Variants in PLA2G12A observed in about 807,000 individuals in gnomAD.
PLA2G12A encodes the protein group XIIA secretory phospholipase A2.
A neutral mutation model predicts 16.0 loss-of-function variants in PLA2G12A; 11 were observed. That is an observed-to-expected ratio of 0.69 (90% CI 0.43 to 1.13). PLA2G12A has a LOEUF of 1.13. PLA2G12A is among the 50% of genes most tolerant of loss of function. The pLI is 0.00. For missense variants in PLA2G12A, 214 were observed against 237.3 expected (o/e 0.90, Z 0.65); for synonymous variants, 77 against 93.8 (o/e 0.82, Z 1.03).
At chr4:109,717,507 T>G in intron 3 of PLA2G12A, 41 bp downstream of exon 3, 2 of 1,573,800 alleles carry the variant, frequency 1.3e-6, no homozygotes, top group Middle Eastern at 3.8e-4. Context: ...GATACAACTT[T>G]AAAAAGTACA....
At chr4:109,724,229 G>A (rs959561987) in intron 1 of PLA2G12A, among the ~76,000 whole-genome samples, 5 of 152,140 alleles carry the variant, frequency 3.3e-5, no homozygotes, top group Admixed American at 1.3e-4. Context: ...GGGTTCAAGC[G>A]ATTCTTCTGC....
Position 109,729,588 on chromosome 4 carries a change from G to C in PLA2G12A, c.208+14C>G. 1 of 1,601,752 alleles carries C rather than the reference G, an allele frequency of 6.2e-7. No homozygotes were observed. Among genetic ancestry groups the C allele is most frequent in the South Asian group, 1.1e-5 (1 of 90,592 alleles). On this transcript the variant is annotated intron_variant, in intron 1 of 3. Coordinates refer to ENST00000243501, the MANE Select transcript of PLA2G12A (RefSeq NM_030821.5). ...GAAAGCACGAGCCCTCGCTGGGCCC[G>C]GGTGCCCCCTCACCGTCACTGCATT...
chr4:109,725,536 G>A (rs1041516974), intron 1 of PLA2G12A, among the ~76,000 whole-genome samples: 5 of 152,078 alleles, frequency 3.3e-5, no homozygotes, highest in Admixed American at 6.5e-5. Flanking sequence ...GATGTGTTGC[G>A]GCCATTGTCC....
chr4:109,720,022 T>G (rs1730894932), intron 1 of PLA2G12A, among the ~76,000 whole-genome samples: 1 of 152,238 alleles, frequency 6.6e-6, no homozygotes, highest in African/African-American at 2.4e-5. Context: ...GCTCTTTGAA[T>G]GTTTCCCACA....
At chr4:109,719,355 C>T (rs1285102673) in intron 1 of PLA2G12A, among the ~76,000 whole-genome samples, 1 of 152,086 alleles carries the variant, frequency 6.6e-6, no homozygotes, top group African/African-American at 2.4e-5. Flanking sequence ...ACCGAGTCAA[C>T]CATTCCACAA....
chr4:109,714,103 A>C lies in PLA2G12A; in HGVS notation c.*274T>G. The stretch of plus-strand genomic sequence containing the variant: ...TTCCTCTTTTCAAAATTCTCCGCTA[A>C]ACAAGCACTTGTTTTTGATATTGGT... On this transcript the variant is annotated 3_prime_UTR_variant, in exon 4 of 4. Transcript: ENST00000243501. 4 of 335,136 alleles carry C rather than the reference A, an allele frequency of 1.2e-5. No individual in the cohort carries two copies. Among genetic ancestry groups the C allele is most frequent in the Middle Eastern group, 8.6e-4 (1 of 1,168 alleles). The allele number at this position is 335,136 out of a possible 1,614,324, so 20.8% of individuals were successfully genotyped here.
rs767085038 is a variant in PLA2G12A at position 109,711,938 on chromosome 4, T to C, written c.*2439A>G. ...AAAATCTATAACCCCACTCTAACCA[T>C]GAGGAAAACATCAGACAAACCCAAA... On this transcript the variant is annotated 3_prime_UTR_variant, in exon 4 of 4. Coordinates refer to ENST00000243501, the MANE Select transcript of PLA2G12A (RefSeq NM_030821.5). 1 of 152,438 alleles carries C rather than the reference T, an allele frequency of 6.6e-6. No homozygotes were observed. The highest frequency in any genetic ancestry group is 1.5e-5 in the Non-Finnish European group (1 of 68,022). 9.4% of individuals were successfully genotyped at this position (152,438 alleles called of 1,614,324 possible).
In PLA2G12A at chr4:109,714,076, T is replaced by G; in HGVS notation, c.*301A>C. 3.7e-6 allele frequency: 1 copy of G among 268,358 alleles called. No homozygotes were observed. 16.6% of individuals were successfully genotyped at this position (268,358 alleles called of 1,614,324 possible). A position where few individuals can be genotyped will look rare whatever the true frequency, so the allele number is the denominator to read the frequency against. ...ATGTGGTTGTGAAAATTGAGTTATA[T>G]ATTCCTCTTTTCAAAATTCTCCGCT... On this transcript the variant is annotated 3_prime_UTR_variant, in exon 4 of 4. Coordinates refer to ENST00000243501, the MANE Select transcript of PLA2G12A (RefSeq NM_030821.5).
intron 3 of PLA2G12A, among the ~76,000 whole-genome samples, chr4:109,715,797 T>A (rs1465424831): frequency 6.6e-6 from 1 of 152,208 alleles, no homozygotes; most frequent in East Asian, 1.9e-4. Flanking sequence ...TTAAATTTTT[T>A]GAAGACTATG....
Position 109,714,513 on chromosome 4 carries a change from G to A in PLA2G12A, c.452-18C>T. 6.5e-7 allele frequency: 1 copy of A among 1,543,138 alleles called. No homozygotes were observed. The highest frequency in any genetic ancestry group is 9.0e-7 in the Non-Finnish European group (1 of 1,115,520). On this transcript the variant is annotated intron_variant, in intron 3 of 3. Coordinates refer to ENST00000243501, the MANE Select transcript of PLA2G12A (RefSeq NM_030821.5). ...TTCACATGCTGCAAAACAAGAAAAT[G>A]GGATTACTGTTGGGCAACTGCATTG...
At chr4:109,715,483 T>A (rs563087545) in intron 3 of PLA2G12A, among the ~76,000 whole-genome samples, 12 of 151,206 alleles carry the variant, frequency 7.9e-5, no homozygotes, top group Admixed American at 4.6e-4. Context: ...TATTTATTTA[T>A]TTTATTTATT....
rs913646902 is a variant in PLA2G12A at position 109,729,950 on chromosome 4, G to C, written c.-141C>G. On this transcript the variant is annotated 5_prime_UTR_variant, in exon 1 of 4. Coordinates refer to ENST00000243501, the MANE Select transcript of PLA2G12A (RefSeq NM_030821.5). ...CATATCCACGCCTCCTTCCCGGCTG[G>C]CCCTCAGGATCTCGCTGTCTTTACG... 2 of 685,772 alleles carry C rather than the reference G, an allele frequency of 2.9e-6. No individual in the cohort carries two copies. Among genetic ancestry groups the C allele is most frequent in the Non-Finnish European group, 4.6e-6 (2 of 435,506 alleles). 42.5% of individuals were successfully genotyped at this position (685,772 alleles called of 1,614,324 possible).
intron 1 of PLA2G12A, among the ~76,000 whole-genome samples, chr4:109,720,584 AAAAAAAAAAAAAAAAAAAAAATAT>A (rs1311270909): frequency 1.5e-4 from 8 of 53,498 alleles, no homozygotes; most frequent in East Asian, 9.3e-4. Flanking sequence ...CAAAAAAAAA[AAAAAAAAAAAAAAAAAAAAAATAT>A]ATATATATAT....
chr4:109,722,123 C>T (rs1446330068), intron 1 of PLA2G12A, among the ~76,000 whole-genome samples: 1 of 152,216 alleles, frequency 6.6e-6, no homozygotes, highest in Non-Finnish European at 1.5e-5. Context: ...TTATTCAGAA[C>T]AAAAGCCAAA....
rs1243240180 is a variant in PLA2G12A at position 109,717,722 on chromosome 4, G to A, written c.286-9C>T. On this transcript the variant is annotated splice_polypyrimidine_tract_variant and intron_variant, in intron 2 of 3. Transcript: ENST00000243501. Reference sequence around the variant, plus strand: ...GGGATACCAATGTTAAGCTGCAAAAGGCATTTGGATGGATTACTGTCAATG... The same window carrying A: ...GGGATACCAATGTTAAGCTGCAAAAAGCATTTGGATGGATTACTGTCAATG... 4 of 1,613,086 alleles carry A rather than the reference G, an allele frequency of 2.5e-6. No homozygotes were observed. The South Asian group carries it at 4.4e-5, about 18-fold the overall frequency.
At chr4:109,724,823 A>G (rs1201915985) in intron 1 of PLA2G12A, among the ~76,000 whole-genome samples, 1 of 152,232 alleles carries the variant, frequency 6.6e-6, no homozygotes, top group Non-Finnish European at 1.5e-5. Flanking sequence ...CTGAAGAAGA[A>G]AAGTTGATAA....
In PLA2G12A at chr4:109,713,276, C is replaced by T. The variant is rs1730768670; in HGVS notation, c.*1101G>A. On this transcript the variant is annotated 3_prime_UTR_variant, in exon 4 of 4. Coordinates refer to ENST00000243501, the MANE Select transcript of PLA2G12A (RefSeq NM_030821.5). ...TTGAAAAGTTTTCAACATTCATAGA[C>T]ATCTTCAGAAGCTGTTGAAGTTTTC... The T allele has an allele frequency of 6.6e-6, 1 of 152,316 alleles. No homozygotes were observed. Among genetic ancestry groups the T allele is most frequent in the East Asian group, 1.9e-4 (1 of 5,176 alleles). 9.4% of individuals were successfully genotyped at this position (152,316 alleles called of 1,614,324 possible). A position where few individuals can be genotyped will look rare whatever the true frequency, so the allele number is the denominator to read the frequency against.
chr4:109,729,587 C>T lies in PLA2G12A; in HGVS notation c.208+15G>A, dbSNP rs780971363. 1.9e-6 allele frequency: 3 copies of T among 1,601,870 alleles called. No homozygotes were observed. The highest frequency in any genetic ancestry group is 2.7e-5 in the African/African-American group (2 of 74,646). Reference sequence around the variant, plus strand: ...CGAAAGCACGAGCCCTCGCTGGGCCCGGGTGCCCCCTCACCGTCACTGCAT... The same window carrying T: ...CGAAAGCACGAGCCCTCGCTGGGCCTGGGTGCCCCCTCACCGTCACTGCAT... On this transcript the variant is annotated intron_variant, in intron 1 of 3. Transcript: ENST00000243501.
chr4:109,728,810 C>T (rs931252189), intron 1 of PLA2G12A, among the ~76,000 whole-genome samples: 2 of 152,196 alleles, frequency 1.3e-5, no homozygotes, highest in African/African-American at 4.8e-5. Flanking sequence ...CCCAACTGCT[C>T]TCTTAACATT....
Sources: allele counts gnomAD v4.1 joint callset (sites outside exome capture counted in the v4.1 genomes callset), GRCh38; gene constraint gnomAD v4.1.1; transcripts MANE v1.5; gene names NCBI Gene and HGNC (gene_info 2026-07-23, HGNC 2026-07-21).